PPM1G: variants seen among roughly 807,000 people sequenced by gnomAD.
The protein encoded by PPM1G is protein phosphatase, Mg2+/Mn2+ dependent 1G.
A neutral mutation model predicts 59.4 loss-of-function variants in PPM1G; 12 were observed. The ratio of observed to expected loss-of-function variants is 0.20; its 90% CI spans 0.13 to 0.33. PPM1G has a LOEUF of 0.33. Among genes scored for constraint, PPM1G ranks in the 10% least tolerant of loss-of-function variants. PPM1G has a pLI of 1.00. For synonymous variants in PPM1G, 245 were observed against 251.9 expected, an observed-to-expected ratio of 0.97 and a Z score of 0.26; for missense variants, 392 against 681.3, an observed-to-expected ratio of 0.58 and a Z score of 4.73.
rs933118113 is a variant in PPM1G at position 27,387,959 on chromosome 2, C to T, written c.121-801G>A. On this transcript the variant is annotated intron_variant, in intron 1 of 9. Transcript: ENST00000344034. ...GACTACAGGCACCCACCACCACACC[C>T]GGCTAATTTTTTGTATTTTTAGTAG... Among the ~76,000 whole-genome samples the T allele has an allele frequency of 7.9e-5, 12 of 151,882 alleles. 1 individual carries two copies. Among genetic ancestry groups the T allele is most frequent in the Admixed American group, 3.9e-4 (6 of 15,254 alleles).
chr2:27,395,852 A>G (rs531230851), intron 1 of PPM1G, among the ~76,000 whole-genome samples: 1 of 152,002 alleles, frequency 6.6e-6, no homozygotes, highest in South Asian at 2.1e-4. Flanking sequence ...AAAAAAAAAA[A>G]AAAGAAAAAG....
chr2:27,393,300 C>T (rs878900805), intron 1 of PPM1G: 7 of 1,597,136 alleles, frequency 4.4e-6, no homozygotes, highest in Non-Finnish European at 3.4e-6. Context: ...GTTGATCTGG[C>T]GGTTGATGGC....
At chr2:27,402,725 A>G (rs1684208837) in intron 1 of PPM1G, among the ~76,000 whole-genome samples, 1 of 151,510 alleles carries the variant, frequency 6.6e-6, no homozygotes, top group Non-Finnish European at 1.5e-5. Flanking sequence ...GGAGAATGGC[A>G]TGAACCCGGG....
chr2:27,403,652 G>A (rs750996585), intron 1 of PPM1G, among the ~76,000 whole-genome samples: 29 of 150,856 alleles, frequency 1.9e-4, no homozygotes, highest in East Asian at 5.9e-4. Flanking sequence ...TTTGGGAGGC[G>A]GAGGCGGGCA....
chr2:27,389,016 T>C (rs553552087), intron 1 of PPM1G, among the ~76,000 whole-genome samples: 2 of 152,272 alleles, frequency 1.3e-5, no homozygotes, highest in East Asian at 1.9e-4. Context: ...AACCACATTG[T>C]TCCATTCTGA....
intron 1 of PPM1G, among the ~76,000 whole-genome samples, chr2:27,402,321 C>G (rs1277937807): frequency 6.6e-6 from 1 of 152,086 alleles, no homozygotes; most frequent in Non-Finnish European, 1.5e-5. Context: ...AAATTCAAGC[C>G]CTTACCTCTC....
At chr2:27,392,251 TG>T (rs1343777954) in intron 1 of PPM1G, among the ~76,000 whole-genome samples, 2 of 151,488 alleles carry the variant, frequency 1.3e-5, no homozygotes, top group African/African-American at 2.4e-5. Flanking sequence ...ATCATGTTGT[TG>T]TTCCTGGATT....
intron 9 of PPM1G, 67 bp from the exon 10 acceptor site, chr2:27,381,872 C>T: frequency 6.6e-7 from 1 of 1,524,430 alleles, no homozygotes; most frequent in Non-Finnish European, 9.1e-7. Flanking sequence ...TACAGTCCCA[C>T]AAGAGGGCTG....
intron 1 of PPM1G, among the ~76,000 whole-genome samples, chr2:27,407,831 C>G (rs1663416680): frequency 6.6e-6 from 1 of 152,008 alleles, no homozygotes; most frequent in Non-Finnish European, 1.5e-5. Context: ...GGCAGATCAC[C>G]TAAGTCAGGA....
rs1683751996 is a variant in PPM1G at position 27,385,866 on chromosome 2, G to C, written c.290C>G (p.Ala97Gly). Residue 97 changes from alanine to glycine, a missense_variant, in exon 4 of 10, where the codon GCC (alanine) becomes GGC (glycine). Around this residue, in one of 6 missense-constraint regions of PPM1G, gnomAD observed 68 missense variants for 145.9 expected, o/e 0.47. Transcript: ENST00000344034. The surrounding 1 kb of genome is among the most constrained non-coding windows in gnomAD (Gnocchi z 4.1). ...CAATTTGGCGTCAATAGCCAAGAAG[G>C]CATCTTCTAAAGCCTGAATATAAGC... Reference protein sequence around the residue: ...EGKLQKALEDAFLAIDAKLTT... With the variant: ...EGKLQKALEDGFLAIDAKLTT... 5 of 1,613,330 alleles carry C rather than the reference G, an allele frequency of 3.1e-6. No homozygotes were observed. The highest frequency in any genetic ancestry group is 4.2e-6 in the Non-Finnish European group (5 of 1,179,904).
In PPM1G at chr2:27,382,777, T is replaced by G. The variant is rs1052541902; in HGVS notation, c.1202-172A>C. 5.3e-5 allele frequency among the ~76,000 whole-genome samples: 8 copies of G among 152,116 alleles called. No homozygotes were observed. Among genetic ancestry groups the G allele is most frequent in the Non-Finnish European group, 7.4e-5 (5 of 68,012 alleles). On this transcript the variant is annotated intron_variant, in intron 7 of 9. Coordinates refer to ENST00000344034, the MANE Select transcript of PPM1G (RefSeq NM_177983.3). This position sits in a 1 kb window ranked among gnomAD's most constrained non-coding sequence, Gnocchi z 4.2. ...TCTAGTTTCAACCCTGCCACCAGACTGCTGAACCTTAAGAAAGTCACTCAC... is the reference window on the plus strand; with the variant it reads ...TCTAGTTTCAACCCTGCCACCAGACGGCTGAACCTTAAGAAAGTCACTCAC...
At chr2:27,407,022 G>GT (rs1316964390) in intron 1 of PPM1G, among the ~76,000 whole-genome samples, 1 of 148,564 alleles carries the variant, frequency 6.7e-6, no homozygotes, top group African/African-American at 2.5e-5. Context: ...CTGGAGTACA[G>GT]TGGCACGATC....
intron 1 of PPM1G, 68 bp downstream of exon 1, chr2:27,409,234 TC>T: frequency 6.7e-7 from 1 of 1,497,722 alleles, no homozygotes; most frequent in Non-Finnish European, 8.9e-7. Context: ...GAGGACCCCA[TC>T]CCCCGCTCTC....
At chr2:27,387,796 A>C (rs1418974181) in intron 1 of PPM1G, among the ~76,000 whole-genome samples, 1 of 150,622 alleles carries the variant, frequency 6.6e-6, no homozygotes, top group Non-Finnish European at 1.5e-5. Context: ...TTATTTATTT[A>C]TTTATTTATT....
Position 27,382,072 on chromosome 2 carries a change from G to C in PPM1G, c.1434+54C>G, listed in dbSNP as rs1683646197. The C allele has an allele frequency of 1.3e-6, 2 of 1,539,788 alleles. No individual in the cohort carries two copies. Among genetic ancestry groups the C allele is most frequent in the East Asian group, 2.2e-5 (1 of 44,544 alleles). On this transcript the variant is annotated intron_variant, in intron 9 of 9. Transcript: ENST00000344034. This position sits in a 1 kb window ranked among gnomAD's most constrained non-coding sequence, Gnocchi z 4.2. The stretch of plus-strand genomic sequence containing the variant: ...TGCCGACTTAGCTCAGATTAAAAGA[G>C]TGAACCCTGGCTGTGCAGACCAGAC...
At chr2:27,400,805 T>TA in intron 1 of PPM1G, among the ~76,000 whole-genome samples, 1 of 152,190 alleles carries the variant, frequency 6.6e-6, no homozygotes, top group Non-Finnish European at 1.5e-5. Flanking sequence ...CTTTCCTGGT[T>TA]ACACAGGCAA....
Position 27,385,716 on chromosome 2 carries a change from T to C in PPM1G, c.409+31A>G. ...TAAAGAATATTTCTTAAAATGCTGA[T>C]TTCCCCTCAAACAAGGGATGCCACA... On this transcript the variant is annotated intron_variant, in intron 4 of 9. Transcript: ENST00000344034. This position sits in a 1 kb window ranked among gnomAD's most constrained non-coding sequence, Gnocchi z 4.1. The C allele has an allele frequency of 1.3e-6, 2 of 1,591,890 alleles. No homozygotes were observed. The highest frequency in any genetic ancestry group is 1.7e-6 in the Non-Finnish European group (2 of 1,172,636).
In PPM1G at chr2:27,384,923, G is replaced by T. The variant is rs1246716803; in HGVS notation, c.575C>A (p.Pro192His). 6.2e-7 allele frequency: 1 copy of T among 1,614,096 alleles called. No homozygotes were observed. Among genetic ancestry groups the T allele is most frequent in the African/African-American group, 1.3e-5 (1 of 74,938 alleles). ...AGGAGTTTCCCTAGTTGAGTCCTCA[G>T]GTCCTGCCTCCCCATTGAGGCCCTG... ...GSQGLNGEAG[P>H]EDSTRETPSQ... Residue 192 changes from proline (P) to histidine (H), a missense_variant, in exon 5 of 10, where the codon CCT becomes CAT. This residue lies in a region of PPM1G where 188 missense variants were observed against 248.8 expected (regional missense o/e 0.76). Transcript: ENST00000344034. This position sits in a 1 kb window ranked among gnomAD's most constrained non-coding sequence, Gnocchi z 4.8.
chr2:27,386,037 T>A, intron 3 of PPM1G, 157 bp downstream of exon 3: 1 of 1,256,414 alleles, frequency 8.0e-7, no homozygotes. Flanking sequence ...ATAAGGCAAG[T>A]CTAAAAGGCG....
Sources: gnomAD v4.1 joint callset for allele counts (sites outside exome capture counted in the v4.1 genomes callset) on GRCh38, gnomAD v4.1.1 for gene constraint, gnomAD v4.1.1 regional missense constraint, Gnocchi (gnomAD v3.1) non-coding constraint, MANE v1.5 for transcripts, NCBI Gene and HGNC (gene_info 2026-07-23, HGNC 2026-07-21) for gene names.